Variants in DCTD observed in about 807,000 individuals in gnomAD.
DCTD encodes dCMP deaminase.
In DCTD, 23 loss-of-function variants were observed where a neutral mutation model predicts 21.0. The observed-to-expected ratio is 1.09, with a 90% CI of 0.79 to 1.55. DCTD has a LOEUF of 1.55. Among genes scored for constraint, DCTD ranks in the 40% most tolerant of loss-of-function variants. The pLI, the probability that DCTD is intolerant of heterozygous loss-of-function variation, is 0.00. For synonymous variants in DCTD, 71 were observed against 81.1 expected, an observed-to-expected ratio of 0.88 and a Z score of 0.67; for missense variants, 224 against 230.0, an observed-to-expected ratio of 0.97 and a Z score of 0.17.
intron 3 of DCTD, among the ~76,000 whole-genome samples, chr4:182,899,394 T>C (rs1049811057): frequency 3.6e-5 from 5 of 137,530 alleles, no homozygotes; most frequent in African/African-American, 1.4e-4. Context: ...ACTGCCCTTT[T>C]TTTTCTTTTT....
chr4:182,914,569 C>G (rs1043567669), intron 3 of DCTD, among the ~76,000 whole-genome samples: 2 of 152,340 alleles, frequency 1.3e-5, no homozygotes, highest in African/African-American at 4.8e-5. Context: ...ACAGAGACAC[C>G]ATGCACATCC....
At chr4:182,911,347 G>C (rs183984128) in intron 3 of DCTD, 21 of 152,250 alleles carry the variant, frequency 1.4e-4, no homozygotes, top group African/African-American at 5.1e-4. Flanking sequence ...ATGTGAATTT[G>C]GGGGGAGACA....
intron 3 of DCTD, among the ~76,000 whole-genome samples, chr4:182,900,602 A>T (rs1579702325): frequency 1.3e-5 from 2 of 152,156 alleles, no homozygotes; most frequent in African/African-American, 4.8e-5. Flanking sequence ...AAATTGTAAA[A>T]AAAAAAAGAA....
chr4:182,913,974 TTTTC>T (rs1245661862), intron 3 of DCTD, among the ~76,000 whole-genome samples: 7 of 150,380 alleles, frequency 4.7e-5, no homozygotes, highest in Non-Finnish European at 1.0e-4. Context: ...TAGCTTTTTC[TTTTC>T]TTTGTTTTTG....
intron 3 of DCTD, among the ~76,000 whole-genome samples, chr4:182,907,413 C>T (rs1194905473): frequency 1.3e-5 from 2 of 152,218 alleles, no homozygotes; most frequent in African/African-American, 2.4e-5. Flanking sequence ...GCTGGGATTA[C>T]AGGCGTGCAC....
At chr4:182,908,503 G>A (rs1475591667) in intron 3 of DCTD, among the ~76,000 whole-genome samples, 1 of 151,968 alleles carries the variant, frequency 6.6e-6, no homozygotes, top group African/African-American at 2.4e-5. Context: ...CCAACATGGT[G>A]AAACCCCATC....
intron 3 of DCTD, among the ~76,000 whole-genome samples, chr4:182,902,211 C>T (rs1276836385): frequency 1.3e-5 from 2 of 152,140 alleles, no homozygotes; most frequent in East Asian, 3.9e-4. Context: ...CCCCCACAAC[C>T]CCCACCAAGT....
chr4:182,891,457 C>G lies in DCTD; in HGVS notation c.479G>C (p.Ser160Thr). ...VTFRKFIPKC[S>T]KIVIDFDSIN... ...TGAATCAAAGTCAATGACAATCTTG[C>G]TGCACTTCGGTATGAATTTCCTAAA... Residue 160 changes from serine (S) to threonine (T), a missense_variant, in exon 6 of 6, where the codon AGC (serine) becomes ACC (threonine). Transcript: ENST00000438320. 1 of 1,611,388 alleles carries G rather than the reference C, an allele frequency of 6.2e-7. No individual in the cohort carries two copies. Among genetic ancestry groups the G allele is most frequent in the Non-Finnish European group, 8.5e-7 (1 of 1,177,762 alleles).
intron 3 of DCTD, among the ~76,000 whole-genome samples, chr4:182,908,986 A>T (rs1196664801): frequency 6.6e-6 from 1 of 152,224 alleles, no homozygotes; most frequent in Non-Finnish European, 1.5e-5. Context: ...TTTTATAGAA[A>T]GGAGACAGAT....
intron 3 of DCTD, among the ~76,000 whole-genome samples, chr4:182,896,829 A>G (rs919073044): frequency 6.6e-6 from 1 of 152,230 alleles, no homozygotes; most frequent in Non-Finnish European, 1.5e-5. Context: ...ATGTGATGCC[A>G]TGAACATAAT....
At chr4:182,899,755 C>G (rs1452414689) in intron 3 of DCTD, among the ~76,000 whole-genome samples, 1 of 152,146 alleles carries the variant, frequency 6.6e-6, no homozygotes, top group Non-Finnish European at 1.5e-5. Context: ...CCAGATCCAT[C>G]TGTAAAACCT....
At chr4:182,917,566 G>A, upstream of DCTD, 1 of 203,566 alleles carries the variant, frequency 4.9e-6, no homozygotes, top group Non-Finnish European at 9.3e-6. This position sits in a 1 kb window ranked among gnomAD's most constrained non-coding sequence, Gnocchi z 4.9. Context: ...TCCCCGTGAC[G>A]CAGCCCGCGG....
At chr4:182,912,577 C>T (rs553552353) in intron 3 of DCTD, among the ~76,000 whole-genome samples, 7 of 152,274 alleles carry the variant, frequency 4.6e-5, no homozygotes, top group Admixed American at 2.6e-4. Context: ...AAAAAACAAT[C>T]GGTGAAGTTG....
At chr4:182,891,574 T>C (rs985089432) in intron 5 of DCTD, 97 bp from the exon 6 acceptor site, 2 of 815,680 alleles carry the variant, frequency 2.5e-6, no homozygotes, top group Non-Finnish European at 2.1e-6. Flanking sequence ...GAGAAAAATA[T>C]GTCCTGGGAT....
chr4:182,898,479 C>T (rs1028513047), intron 3 of DCTD, among the ~76,000 whole-genome samples: 10 of 152,144 alleles, frequency 6.6e-5, no homozygotes, highest in Non-Finnish European at 1.3e-4. Flanking sequence ...CAAGTACATC[C>T]GATGTCTTTG....
At chr4:182,897,761 G>A (rs1411644957) in intron 3 of DCTD, among the ~76,000 whole-genome samples, 1 of 152,150 alleles carries the variant, frequency 6.6e-6, no homozygotes, top group East Asian at 1.9e-4. Flanking sequence ...TGCCCGACCC[G>A]CACCTGCGGG....
chr4:182,898,716 G>A (rs1735189647), intron 3 of DCTD, among the ~76,000 whole-genome samples: 1 of 152,114 alleles, frequency 6.6e-6, no homozygotes, highest in South Asian at 2.1e-4. Flanking sequence ...AGGTCATCTT[G>A]TCAGCCTTTT....
chr4:182,896,613 C>T (rs943359309), intron 3 of DCTD, among the ~76,000 whole-genome samples: 26 of 152,136 alleles, frequency 1.7e-4, no homozygotes, highest in African/African-American at 5.6e-4. Flanking sequence ...TGCGAGGGCC[C>T]GGGCTTGGGA....
rs550519449 is a variant in DCTD, at chr4:182,908,580, G to A, written c.244+6343C>T. ...GCCTGTAATCACACAGCTACTCCGA[G>A]GCTGAAGCAGGAGAATCGCTTGAAA... On this transcript the variant is annotated intron_variant, in intron 3 of 5. Transcript: ENST00000438320. Among the ~76,000 whole-genome samples, 32 of 151,456 alleles carry A rather than the reference G, an allele frequency of 2.1e-4. No homozygotes were observed. In the South Asian group the frequency reaches 5.2e-3, roughly 25 times the overall value.
Sources: gnomAD v4.1 joint callset for allele counts (sites outside exome capture counted in the v4.1 genomes callset) on GRCh38, gnomAD v4.1.1 for gene constraint, Gnocchi (gnomAD v3.1) non-coding constraint, MANE v1.5 for transcripts, NCBI Gene and HGNC (gene_info 2026-07-23, HGNC 2026-07-21) for gene names.